Variants in NEDD4L observed in about 807,000 individuals in gnomAD.
NEDD4L encodes NEDD4 like E3 ubiquitin protein ligase, also known as E3 ubiquitin-protein ligase NEDD4-like.
NEDD4L carries 54 observed loss-of-function variants against 148.9 expected under a neutral mutation model. That is an observed-to-expected ratio of 0.36 (90% CI 0.29 to 0.45). NEDD4L has a LOEUF of 0.45. NEDD4L is among the 20% of genes least tolerant of loss of function. The pLI, the probability that NEDD4L is intolerant of heterozygous loss-of-function variation, is 1.00. For synonymous variants in NEDD4L, 433 were observed against 440.7 expected, an observed-to-expected ratio of 0.98 and a Z score of 0.22; for missense variants, 856 against 1,233.8, an observed-to-expected ratio of 0.69 and a Z score of 4.59.
intron 9 of NEDD4L, among the ~76,000 whole-genome samples, chr18:58,327,524 ACT>A (rs2059414336): frequency 6.6e-6 from 1 of 152,254 alleles, no homozygotes; most frequent in Non-Finnish European, 1.5e-5. Context: ...ACACAGCAGA[ACT>A]TGGCAGAACC....
intron 1 of NEDD4L, among the ~76,000 whole-genome samples, chr18:58,128,911 T>C (rs926813637): frequency 1.3e-5 from 2 of 152,232 alleles, no homozygotes; most frequent in African/African-American, 4.8e-5. Flanking sequence ...CCTGCTGTGC[T>C]GAGCACATCA....
At chr18:58,234,110 T>C (rs1325676404) in intron 2 of NEDD4L, among the ~76,000 whole-genome samples, 1 of 77,066 alleles carries the variant, frequency 1.3e-5, no homozygotes, top group East Asian at 3.2e-4. Context: ...TCTTTTCTTT[T>C]CTTTTCTTTT....
At chr18:58,384,918 G>A (rs761737483) in intron 25 of NEDD4L, among the ~76,000 whole-genome samples, 1 of 152,190 alleles carries the variant, frequency 6.6e-6, no homozygotes, top group Non-Finnish European at 1.5e-5. Context: ...CACTGTCGCA[G>A]GGAACTTGGT....
chr18:58,362,895 C>G (rs2045663709), intron 19 of NEDD4L, among the ~76,000 whole-genome samples: 1 of 152,130 alleles, frequency 6.6e-6, no homozygotes, highest in Admixed American at 6.5e-5. Context: ...TGGTGGTTGT[C>G]CAGGTATTAA....
rs751509135 is a variant in NEDD4L, at chr18:58,370,451, A to G, written c.2240A>G (p.Asn747Ser). ...ATGTTGGGAAAGCAGATAACCCTGA[A>G]TGACATGGAATCTGTGGTAAGTAAA... The part of the protein sequence containing the change: ...KMMLGKQITL[N>S]DMESVDSEYY... Residue 747 changes from asparagine (N) to serine (S), a missense_variant, in exon 23 of 31, where the codon AAT becomes AGT. Physicochemically the swap from Asn to Ser is conservative, Grantham distance 46. Around this residue, in one of 4 missense-constraint regions of NEDD4L, gnomAD observed 286 missense variants for 531.8 expected, o/e 0.54. Transcript: ENST00000400345. 43 of 1,609,104 alleles carry G rather than the reference A, an allele frequency of 2.7e-5. No individual in the cohort carries two copies. Among genetic ancestry groups the G allele is most frequent in the Non-Finnish European group, 3.6e-5 (42 of 1,175,498 alleles).
At chr18:58,205,655 C>T (rs1200624775) in intron 2 of NEDD4L, among the ~76,000 whole-genome samples, 1 of 151,370 alleles carries the variant, frequency 6.6e-6, no homozygotes, top group Non-Finnish European at 1.5e-5. Context: ...AATTTCAGGG[C>T]TATTCATTAG....
chr18:58,307,957 T>C (rs1033913457), intron 5 of NEDD4L, among the ~76,000 whole-genome samples: 2 of 152,184 alleles, frequency 1.3e-5, no homozygotes, highest in South Asian at 2.1e-4. Context: ...TAGTCTGGTA[T>C]TAAAATTGCT....
chr18:58,354,295 A>C (rs752994144), intron 18 of NEDD4L, among the ~76,000 whole-genome samples: 3 of 152,160 alleles, frequency 2.0e-5, no homozygotes, highest in Non-Finnish European at 4.4e-5. Context: ...TGATTTTGTA[A>C]AGTCCTATTT....
chr18:58,350,969 CCCTT>C lies in NEDD4L; in HGVS notation c.1654-15_1654-12del. On this transcript the variant is annotated intron_variant, in intron 17 of 30. Transcript: ENST00000400345. ...TAGCTAATGTTTATATTTTCTCTCT[CCCTT>C]CCTTCCCCGGATACTAGCCTGGCTG... 1.3e-6 allele frequency: 2 copies of C among 1,566,844 alleles called. No individual in the cohort carries two copies. Among genetic ancestry groups the C allele is most frequent in the Non-Finnish European group, 1.7e-6 (2 of 1,152,228 alleles).
chr18:58,317,797 C>T (rs917519525), intron 6 of NEDD4L, among the ~76,000 whole-genome samples: 1 of 152,112 alleles, frequency 6.6e-6, no homozygotes, highest in Non-Finnish European at 1.5e-5. Context: ...CCGTGAACGC[C>T]CAGAGAGGAC....
At chr18:58,230,860 G>A (rs112024469) in intron 2 of NEDD4L, among the ~76,000 whole-genome samples, 206 of 152,304 alleles carry the variant, frequency 1.4e-3, no homozygotes, top group African/African-American at 4.8e-3. Flanking sequence ...TTTGTACAAG[G>A]TTGCATGGAA....
Position 58,245,467 on chromosome 18 carries a change from A to T in NEDD4L, c.163A>T (p.Asn55Tyr). Residue 55 changes from asparagine (N) to tyrosine (Y), a missense_variant, in exon 3 of 31, where the codon AAT becomes TAT. Physicochemically the swap from Asn to Tyr is moderately radical, Grantham distance 143 (BLOSUM62 -2). Coordinates refer to ENST00000400345, the MANE Select transcript of NEDD4L (RefSeq NM_001144967.3). ...VKLSLYVADE[N>Y]RELALVQTKT... ...ACTTTCATTGTACGTAGCGGATGAG[A>T]ATAGAGAACTTGCTTTGGTCCAGAC... is the stretch of plus-strand genomic sequence containing the variant. 1.3e-6 allele frequency: 2 copies of T among 1,587,090 alleles called. No individual in the cohort carries two copies. The highest frequency in any genetic ancestry group is 1.7e-6 in the Non-Finnish European group (2 of 1,161,446).
chr18:58,101,882 T>C (rs2145502234), intron 1 of NEDD4L, among the ~76,000 whole-genome samples: 1 of 152,310 alleles, frequency 6.6e-6, no homozygotes. Flanking sequence ...GTGGGTGAAT[T>C]ATTCATGATG....
chr18:58,151,625 A>ATATGTGTGTGTG (rs1555709300), intron 1 of NEDD4L, among the ~76,000 whole-genome samples: 92 of 141,074 alleles, frequency 6.5e-4, no homozygotes, highest in African/African-American at 2.4e-3. Context: ...GTGCCTGGAT[A>ATATGTGTGTGTG]TGTGTGTGTG....
intron 1 of NEDD4L, among the ~76,000 whole-genome samples, chr18:58,163,324 A>C (rs1002332491): frequency 6.6e-6 from 1 of 152,198 alleles, no homozygotes; most frequent in Non-Finnish European, 1.5e-5. Context: ...GTAGGGTACA[A>C]CTTGTTGTGA....
intron 2 of NEDD4L, among the ~76,000 whole-genome samples, chr18:58,228,218 G>A (rs1003762883): frequency 9.9e-5 from 15 of 152,108 alleles, no homozygotes; most frequent in African/African-American, 3.6e-4. Context: ...TTCGCAAGGA[G>A]CTTCCAGACC....
At chr18:58,093,367 A>G (rs1348079752) in intron 1 of NEDD4L, among the ~76,000 whole-genome samples, 10 of 152,154 alleles carry the variant, frequency 6.6e-5, no homozygotes, top group East Asian at 3.9e-4. Flanking sequence ...TGTACTAATC[A>G]CTCATTCTCA....
chr18:58,302,764 T>C lies in NEDD4L; in HGVS notation c.298-13218T>C, dbSNP rs562160679. The stretch of plus-strand genomic sequence containing the variant: ...ATGAGGACCCTTGTCCAGGGAAGGA[T>C]TGGTGCCCATTTAGCTAGCTCTTTC... On this transcript the variant is annotated intron_variant, in intron 5 of 30. Transcript: ENST00000400345. Among the ~76,000 whole-genome samples, 7 of 152,320 alleles carry C rather than the reference T, an allele frequency of 4.6e-5. 1 individual carries two copies. The South Asian group carries it at 1.5e-3, about 32-fold the overall frequency.
intron 16 of NEDD4L, 122 bp downstream of exon 16, chr18:58,343,225 A>G (rs2042638924): frequency 1.7e-5 from 9 of 523,752 alleles, no homozygotes; most frequent in South Asian, 6.4e-5. Flanking sequence ...GTGTCTCCAG[A>G]GGGTCTCCTC....
Sources: allele counts gnomAD v4.1 joint callset (sites outside exome capture counted in the v4.1 genomes callset), GRCh38; gene constraint gnomAD v4.1.1; regional missense constraint gnomAD v4.1.1; transcripts MANE v1.5; gene names NCBI Gene and HGNC (gene_info 2026-07-23, HGNC 2026-07-21).